The following FARP1 variants were observed in gnomAD, a reference collection of about 807,000 sequenced individuals.
FARP1 encodes the protein FERM, ARHGEF and pleckstrin domain-containing protein 1.
FARP1 carries 52 observed loss-of-function variants against 128.8 expected under a neutral mutation model. The observed-to-expected ratio is 0.40, with a 90% CI of 0.32 to 0.51. FARP1 has a LOEUF of 0.51. Among genes scored for constraint, FARP1 ranks in the 20% least tolerant of loss-of-function variants. The pLI is 0.45. For missense variants in FARP1, 1,333 were observed against 1,367.9 expected (o/e 0.97, Z 0.40); for synonymous variants, 580 against 551.8 (o/e 1.05, Z -0.72).
chr13:98,177,277 C>T, intron 1 of FARP1: 1 of 1,472,452 alleles, frequency 6.8e-7, no homozygotes, highest in African/African-American at 1.4e-5. Context: ...CGTGCGTCAC[C>T]CTTGCGTCGC....
intron 11 of FARP1, 105 bp downstream of exon 11, chr13:98,390,985 T>C: frequency 1.3e-6 from 1 of 781,982 alleles, no homozygotes; most frequent in South Asian, 1.6e-5. Flanking sequence ...AGACTTGATG[T>C]CCCTTGAGTT....
At chr13:98,372,859 C>T (rs142297162) in intron 5 of FARP1, among the ~76,000 whole-genome samples, 3 of 152,260 alleles carry the variant, frequency 2.0e-5, no homozygotes, top group South Asian at 4.1e-4. Flanking sequence ...TTGTGTTTAC[C>T]GGTTCAGTTT....
At chr13:98,285,288 C>A (rs1245539410) in intron 2 of FARP1, among the ~76,000 whole-genome samples, 2 of 152,082 alleles carry the variant, frequency 1.3e-5, no homozygotes, top group Non-Finnish European at 2.9e-5. Flanking sequence ...GGCATTCTTA[C>A]TTATAAGAAG....
chr13:98,315,111 G>A (rs1189906823), intron 2 of FARP1, among the ~76,000 whole-genome samples: 1 of 152,152 alleles, frequency 6.6e-6, no homozygotes, highest in African/African-American at 2.4e-5. Context: ...AATCGACTGT[G>A]AGTTAAAGAT....
At chr13:98,373,539 C>CAG (rs1203985729) in intron 5 of FARP1, among the ~76,000 whole-genome samples, 2 of 129,652 alleles carry the variant, frequency 1.5e-5, no homozygotes, top group Non-Finnish European at 3.4e-5. Context: ...GACAGACACA[C>CAG]ACACACACAC....
chr13:98,435,388 C>T (rs1302425172), intron 18 of FARP1, 188 bp from the exon 19 acceptor site: 8 of 569,770 alleles, frequency 1.4e-5, no homozygotes, highest in Admixed American at 1.4e-4. Context: ...TAAAGTGAAG[C>T]AAATAAATAC....
intron 11 of FARP1, among the ~76,000 whole-genome samples, chr13:98,391,330 G>A (rs1309189936): frequency 6.6e-6 from 1 of 152,140 alleles, no homozygotes; most frequent in Non-Finnish European, 1.5e-5. Flanking sequence ...CCAGGCTGGA[G>A]TGCAGTGGTG....
intron 2 of FARP1, among the ~76,000 whole-genome samples, chr13:98,284,851 T>C (rs1329300790): frequency 6.6e-6 from 1 of 152,174 alleles, no homozygotes; most frequent in Non-Finnish European, 1.5e-5. Flanking sequence ...TGCTAGCTAT[T>C]GACTCTCCTT....
At chr13:98,315,978 C>T (rs1036910523) in intron 2 of FARP1, among the ~76,000 whole-genome samples, 5 of 152,170 alleles carry the variant, frequency 3.3e-5, no homozygotes, top group Admixed American at 2.0e-4. Flanking sequence ...ACAGTATCAC[C>T]AGTGCCTTCC....
chr13:98,286,158 C>G (rs1182016714), intron 2 of FARP1, among the ~76,000 whole-genome samples: 1 of 152,176 alleles, frequency 6.6e-6, no homozygotes, highest in Non-Finnish European at 1.5e-5. Context: ...ATGGGTTTCT[C>G]CTGCCCACTC....
chr13:98,303,949 C>A (rs914955336), intron 2 of FARP1, among the ~76,000 whole-genome samples: 23 of 152,206 alleles, frequency 1.5e-4, no homozygotes, highest in Non-Finnish European at 2.2e-4. Flanking sequence ...CATCAGAGTT[C>A]ACTCGTTACT....
chr13:98,240,625 T>C (rs1882712297), intron 2 of FARP1, among the ~76,000 whole-genome samples: 1 of 152,116 alleles, frequency 6.6e-6, no homozygotes. Flanking sequence ...GGAAAAGAAA[T>C]CATCTGACCA....
rs114418081 is a variant in FARP1 at position 98,436,932 on chromosome 13, G to A, written c.2274+1226G>A. Among the ~76,000 whole-genome samples the A allele has an allele frequency of 4.6e-3, 703 of 152,294 alleles. 5 individuals are homozygous for A. Among genetic ancestry groups the A allele is most frequent in the African/African-American group, 0.016 (671 of 41,556 alleles). On this transcript the variant is annotated intron_variant, in intron 19 of 26. Coordinates refer to ENST00000319562, the MANE Select transcript of FARP1 (RefSeq NM_005766.4). ...AAAGAATTCCTTTTTTTGAGGAAAT[G>A]TTTTCCACTGCAATGGAAAGAACCT...
intron 1 of FARP1, among the ~76,000 whole-genome samples, chr13:98,188,580 A>G (rs1321782554): frequency 6.6e-6 from 1 of 151,972 alleles, no homozygotes. Context: ...AAAAAGGAGA[A>G]AGAAGTTTTC....
At chr13:98,421,808 A>T (rs1242592909) in intron 16 of FARP1, among the ~76,000 whole-genome samples, 1 of 152,110 alleles carries the variant, frequency 6.6e-6, no homozygotes, top group Non-Finnish European at 1.5e-5. Context: ...AGCTATGATG[A>T]TACCACCACA....
chr13:98,162,399 A>G (rs1397819896), intron 1 of FARP1, among the ~76,000 whole-genome samples: 3 of 152,184 alleles, frequency 2.0e-5, no homozygotes, highest in African/African-American at 7.2e-5. Flanking sequence ...CTTGTGTACC[A>G]ACAATTCTGG....
At chr13:98,394,782 T>G (rs1351295890) in intron 12 of FARP1, among the ~76,000 whole-genome samples, 1 of 152,074 alleles carries the variant, frequency 6.6e-6, no homozygotes, top group East Asian at 1.9e-4. Context: ...AAAAAAAATT[T>G]TTTTAATTAG....
chr13:98,424,905 T>C (rs1475753214), intron 17 of FARP1, among the ~76,000 whole-genome samples: 3 of 151,372 alleles, frequency 2.0e-5, no homozygotes, highest in Non-Finnish European at 4.4e-5. Context: ...TTTTTTTTTT[T>C]CTTTGCTCAT....
intron 2 of FARP1, among the ~76,000 whole-genome samples, chr13:98,272,896 C>T (rs1427598327): frequency 6.6e-6 from 1 of 152,152 alleles, no homozygotes; most frequent in African/African-American, 2.4e-5. Context: ...TCAATTTTGT[C>T]AAAAGCTAGA....
Sources: gnomAD v4.1 joint callset for allele counts (sites outside exome capture counted in the v4.1 genomes callset) on GRCh38, gnomAD v4.1.1 for gene constraint, MANE v1.5 for transcripts, NCBI Gene and HGNC (gene_info 2026-07-23, HGNC 2026-07-21) for gene names.